Variants in GREB1L observed in about 807,000 individuals in gnomAD.
GREB1L encodes GREB1-like protein.
In GREB1L, 17 loss-of-function variants were observed where a neutral mutation model predicts 200.8. The ratio of observed to expected loss-of-function variants is 0.08; its 90% CI spans 0.06 to 0.13. The LOEUF (loss-of-function observed/expected upper bound fraction) is 0.13, where lower values mean the gene tolerates loss of function less well. Among genes scored for constraint, GREB1L ranks in the 10% least tolerant of loss-of-function variants. The pLI is 1.00. For missense variants in GREB1L, 1,657 were observed against 2,367.7 expected, an observed-to-expected ratio of 0.70 and a Z score of 6.23; for synonymous variants, 789 against 893.0, an observed-to-expected ratio of 0.88 and a Z score of 2.08.
chr18:21,280,391 C>CTT (rs763825839), intron 1 of GREB1L, among the ~76,000 whole-genome samples: 1 of 139,140 alleles, frequency 7.2e-6, no homozygotes. Flanking sequence ...TCCTTTCTTT[C>CTT]TTTTTTTTTT....
chr18:21,267,039 T>C (rs1476708626), intron 1 of GREB1L, among the ~76,000 whole-genome samples: 2 of 152,096 alleles, frequency 1.3e-5, no homozygotes, highest in Non-Finnish European at 2.9e-5. Flanking sequence ...GTTTAAGCGA[T>C]TCTCCTACCT....
chr18:21,244,293 GTTTAC>G (rs1439799857), intron 1 of GREB1L, among the ~76,000 whole-genome samples: 1 of 152,148 alleles, frequency 6.6e-6, no homozygotes, highest in Non-Finnish European at 1.5e-5. Flanking sequence ...AACTGTAGTA[GTTTAC>G]TTTGTCTACC....
chr18:21,338,382 G>GA (rs2039219439), intron 1 of GREB1L, among the ~76,000 whole-genome samples: 1 of 152,226 alleles, frequency 6.6e-6, no homozygotes, highest in Admixed American at 6.5e-5. Context: ...TCACATCAGG[G>GA]AAAATCAGTA....
chr18:21,489,315 T>TA (rs2145843249), intron 18 of GREB1L, among the ~76,000 whole-genome samples: 1 of 152,206 alleles, frequency 6.6e-6, no homozygotes, highest in East Asian at 1.9e-4. Flanking sequence ...GCTACAACAC[T>TA]AGGGGGTGCT....
intron 1 of GREB1L, among the ~76,000 whole-genome samples, chr18:21,295,720 C>A (rs1228378128): frequency 2.0e-5 from 3 of 152,156 alleles, no homozygotes; most frequent in Non-Finnish European, 1.5e-5. Flanking sequence ...GCAGGCAAGT[C>A]CTCCTGGAGG....
At chr18:21,367,351 T>C (rs369813188) in intron 2 of GREB1L, among the ~76,000 whole-genome samples, 1 of 152,206 alleles carries the variant, frequency 6.6e-6, no homozygotes, top group East Asian at 1.9e-4. Context: ...GAGTTTGAAG[T>C]GTACTTTGCT....
intron 32 of GREB1L, 75 bp downstream of exon 32, chr18:21,520,898 T>C: frequency 7.4e-7 from 1 of 1,342,666 alleles, no homozygotes; most frequent in Non-Finnish European, 9.9e-7. Context: ...TAAAGATATT[T>C]TTAAAAAGCA....
chr18:21,497,660 AAG>A (rs1007984681), intron 21 of GREB1L, among the ~76,000 whole-genome samples: 2 of 151,392 alleles, frequency 1.3e-5, no homozygotes, highest in African/African-American at 4.9e-5. Flanking sequence ...AAAAGAAAGA[AAG>A]AGAGAGGGAA....
chr18:21,388,049 GAAC>G (rs2040616619), intron 4 of GREB1L, among the ~76,000 whole-genome samples: 1 of 152,094 alleles, frequency 6.6e-6, no homozygotes, highest in South Asian at 2.1e-4. Flanking sequence ...CTTGGCAGGC[GAAC>G]TTATTCTTAG....
intron 1 of GREB1L, among the ~76,000 whole-genome samples, chr18:21,295,117 T>C (rs2038506488): frequency 6.6e-6 from 1 of 152,176 alleles, no homozygotes; most frequent in Non-Finnish European, 1.5e-5. Flanking sequence ...ACTAAAAATG[T>C]CTCTTCTTTT....
rs2036700190 is a variant in GREB1L at position 21,499,805 on chromosome 18, T to C, written c.3468T>C (p.Phe1156=). ...KSQKQSLTPS[F]QSPATSLGLD... Reference sequence around the variant, plus strand: ...AGAAGCAGTCCCTGACCCCCAGCTTTCAGAGCCCAGCCACCAGCTTGGGGC... The same window carrying C: ...AGAAGCAGTCCCTGACCCCCAGCTTCCAGAGCCCAGCCACCAGCTTGGGGC... Residue 1156 remains phenylalanine, a synonymous_variant, in exon 22 of 33, where the codon TTT becomes TTC. Coordinates refer to ENST00000424526, the MANE Select transcript of GREB1L (RefSeq NM_001142966.3). 1 of 1,551,906 alleles carries C rather than the reference T, an allele frequency of 6.4e-7. No homozygotes were observed. Among genetic ancestry groups the C allele is most frequent in the African/African-American group, 1.4e-5 (1 of 73,168 alleles).
At chr18:21,265,467 TG>T (rs1320785707) in intron 1 of GREB1L, among the ~76,000 whole-genome samples, 1 of 152,186 alleles carries the variant, frequency 6.6e-6, no homozygotes, top group African/African-American at 2.4e-5. Context: ...TGGACGGTGA[TG>T]GGCATATTTA....
chr18:21,432,184 A>G (rs1450508599), intron 7 of GREB1L, among the ~76,000 whole-genome samples: 1 of 151,942 alleles, frequency 6.6e-6, no homozygotes. Flanking sequence ...CGGCCTCCCA[A>G]AGTCCTGGGA....
intron 1 of GREB1L, among the ~76,000 whole-genome samples, chr18:21,357,781 G>A (rs1306461845): frequency 6.6e-6 from 1 of 152,132 alleles, no homozygotes. Context: ...GACCATAAAT[G>A]CGTGGATTAA....
intron 11 of GREB1L, among the ~76,000 whole-genome samples, chr18:21,447,863 GT>G (rs1197056078): frequency 6.6e-6 from 1 of 151,996 alleles, no homozygotes; most frequent in Non-Finnish European, 1.5e-5. Context: ...TTCCCAGCAA[GT>G]TTTTTGAGGA....
intron 6 of GREB1L, among the ~76,000 whole-genome samples, chr18:21,402,245 C>T (rs1450852511): frequency 6.6e-6 from 1 of 151,968 alleles, no homozygotes; most frequent in Non-Finnish European, 1.5e-5. Context: ...TGTCATGAAT[C>T]CTAAGAAAAG....
At chr18:21,415,324 G>A (rs965829438) in intron 7 of GREB1L, among the ~76,000 whole-genome samples, 1 of 152,158 alleles carries the variant, frequency 6.6e-6, no homozygotes, top group African/African-American at 2.4e-5. Context: ...AGACCAGCCT[G>A]GGCAACCTGG....
At chr18:21,256,068 G>A (rs2037794484) in intron 1 of GREB1L, among the ~76,000 whole-genome samples, 2 of 152,074 alleles carry the variant, frequency 1.3e-5, no homozygotes, top group Admixed American at 1.3e-4. Flanking sequence ...CTAACAAGTA[G>A]TATATGAGGA....
intron 27 of GREB1L, among the ~76,000 whole-genome samples, chr18:21,510,590 G>A (rs915532244): frequency 2.0e-5 from 3 of 152,114 alleles, no homozygotes; most frequent in African/African-American, 2.4e-5. Context: ...CCATTCATCC[G>A]TCAGTGGACA....
Sources: gnomAD v4.1 joint callset for allele counts (sites outside exome capture counted in the v4.1 genomes callset) on GRCh38, gnomAD v4.1.1 for gene constraint, MANE v1.5 for transcripts, NCBI Gene and HGNC (gene_info 2026-07-23, HGNC 2026-07-21) for gene names.